Variants in ADD3 observed in about 807,000 individuals in gnomAD.
ADD3 encodes the protein adducin 3, also known as gamma-adducin.
A neutral mutation model predicts 80.2 loss-of-function variants in ADD3; 25 were observed. The ratio of observed to expected loss-of-function variants is 0.31; its 90% CI spans 0.23 to 0.44. The LOEUF is 0.44. ADD3 is among the 20% of genes least tolerant of loss of function. The pLI is 1.00. For missense variants in ADD3, 829 were observed against 847.5 expected, an observed-to-expected ratio of 0.98 and a Z score of 0.27; for synonymous variants, 284 against 289.6, an observed-to-expected ratio of 0.98 and a Z score of 0.20.
At chr10:110,083,861 T>C (rs548893961) in intron 1 of ADD3, among the ~76,000 whole-genome samples, 1 of 152,208 alleles carries the variant, frequency 6.6e-6, no homozygotes, top group Non-Finnish European at 1.5e-5. Flanking sequence ...AATAACACTT[T>C]CTAGCACTTT....
chr10:110,010,968 A>G (rs1852265777), intron 1 of ADD3, among the ~76,000 whole-genome samples: 1 of 152,252 alleles, frequency 6.6e-6, no homozygotes, highest in African/African-American at 2.4e-5. Flanking sequence ...TCCGCATTAA[A>G]TACAGTCACC....
chr10:110,035,501 G>T (rs1003879852), intron 1 of ADD3, among the ~76,000 whole-genome samples: 1 of 152,184 alleles, frequency 6.6e-6, no homozygotes, highest in Non-Finnish European at 1.5e-5. Context: ...GCCATTAAAA[G>T]CTCTAAATCC....
chr10:110,111,651 C>T (rs376610047), intron 2 of ADD3, among the ~76,000 whole-genome samples: 2 of 152,320 alleles, frequency 1.3e-5, no homozygotes, highest in Admixed American at 6.5e-5. Flanking sequence ...CGCGGTGGCT[C>T]ACGCCTGTAA....
intron 1 of ADD3, among the ~76,000 whole-genome samples, chr10:110,022,768 C>T (rs1853829972): frequency 6.6e-6 from 1 of 152,180 alleles, no homozygotes; most frequent in Non-Finnish European, 1.5e-5. Flanking sequence ...GGAAATATCT[C>T]ATTGGGGAGA....
chr10:110,024,873 C>T lies in ADD3; in HGVS notation c.-30+16574C>T, dbSNP rs79959459. On this transcript the variant is annotated intron_variant, in intron 1 of 14. Coordinates refer to ENST00000356080, the MANE Select transcript of ADD3 (RefSeq NM_016824.5). ...CATGGAACAAAATAAGGCACAAAAG[C>T]GTATACAGTGAAAAGTAAGTTGTCA... Among the ~76,000 whole-genome samples, 996 of 151,162 alleles carry T rather than the reference C, an allele frequency of 6.6e-3. 4 individuals carry two copies. Among genetic ancestry groups the T allele is most frequent in the Admixed American group, 0.01 (159 of 15,194 alleles).
upstream of ADD3, among the ~76,000 whole-genome samples, chr10:110,001,507 T>C (rs1851484485): frequency 6.6e-6 from 1 of 152,140 alleles, no homozygotes; most frequent in African/African-American, 2.4e-5. Flanking sequence ...GTTTTGTGCT[T>C]ATCTGAATCT....
At chr10:110,018,526 CAAAA>C (rs59949041) in intron 1 of ADD3, among the ~76,000 whole-genome samples, 10 of 49,540 alleles carry the variant, frequency 2.0e-4, no homozygotes, top group South Asian at 1.3e-3. Flanking sequence ...GACTTTGTCT[CAAAA>C]AAAAAAAAAA....
At chr10:110,018,920 A>G (rs970290743) in intron 1 of ADD3, among the ~76,000 whole-genome samples, 3 of 152,216 alleles carry the variant, frequency 2.0e-5, no homozygotes, top group Admixed American at 6.5e-5. Context: ...TCCTGCTTTT[A>G]TAGGAATATC....
intron 1 of ADD3, among the ~76,000 whole-genome samples, chr10:110,048,163 A>G (rs1857106201): frequency 6.6e-6 from 1 of 152,050 alleles, no homozygotes. Flanking sequence ...TCGCTTGATC[A>G]TTCTCTCTTG....
chr10:110,001,521 T>C (rs1454641146), upstream of ADD3, among the ~76,000 whole-genome samples: 1 of 152,164 alleles, frequency 6.6e-6, no homozygotes, highest in African/African-American at 2.4e-5. Flanking sequence ...TGAATCTCTT[T>C]CACATAATGA....
rs13306104 is a variant in ADD3, at chr10:110,126,748, T to C, written c.1608+245T>C. ...TTAGTTGAGATGAGGTCTCACTCTG[T>C]TGCCCAGGATAGTCGTGAACACCTG... On this transcript the variant is annotated intron_variant, in intron 12 of 14. Coordinates refer to ENST00000356080, the MANE Select transcript of ADD3 (RefSeq NM_016824.5). Among the ~76,000 whole-genome samples the C allele has an allele frequency of 1.8e-4, 27 of 152,320 alleles. No individual in the cohort carries two copies. In the East Asian group the frequency reaches 5.2e-3, roughly 29 times the overall value.
chr10:110,070,654 G>A (rs1411228509), intron 1 of ADD3, among the ~76,000 whole-genome samples: 1 of 152,070 alleles, frequency 6.6e-6, no homozygotes, highest in Non-Finnish European at 1.5e-5. Flanking sequence ...ATGCCACTGA[G>A]TATATAGCAA....
At chr10:110,019,178 G>A (rs1853356537) in intron 1 of ADD3, among the ~76,000 whole-genome samples, 2 of 151,842 alleles carry the variant, frequency 1.3e-5, no homozygotes, top group African/African-American at 2.4e-5. Flanking sequence ...GAGTTGATAC[G>A]AGATATGACC....
chr10:110,101,750 A>G (rs978461773), intron 2 of ADD3, among the ~76,000 whole-genome samples: 1 of 152,214 alleles, frequency 6.6e-6, no homozygotes, highest in Non-Finnish European at 1.5e-5. Flanking sequence ...CTTAGTGGAA[A>G]TGTATTAATA....
intron 1 of ADD3, among the ~76,000 whole-genome samples, chr10:110,042,297 C>A (rs1404602401): frequency 1.3e-5 from 2 of 152,110 alleles, no homozygotes; most frequent in East Asian, 3.9e-4. Context: ...ATATTCTGTT[C>A]TATACTACTT....
chr10:110,014,407 A>C (rs545918081), intron 1 of ADD3, among the ~76,000 whole-genome samples: 40 of 152,338 alleles, frequency 2.6e-4, no homozygotes, highest in African/African-American at 9.1e-4. Context: ...CACAAATGGG[A>C]GGTAGAAAGG....
intron 1 of ADD3, among the ~76,000 whole-genome samples, chr10:110,021,734 G>A (rs1853703401): frequency 6.6e-6 from 1 of 152,100 alleles, no homozygotes; most frequent in African/African-American, 2.4e-5. Flanking sequence ...GCAGCTTAAT[G>A]GGTACTGGGT....
chr10:110,126,020 G>A, intron 11 of ADD3, 75 bp downstream of exon 11: 4 of 1,433,158 alleles, frequency 2.8e-6, no homozygotes, highest in Non-Finnish European at 3.8e-6. Context: ...GTTGAATCTG[G>A]TTAATGCCAA....
At chr10:110,105,762 G>A (rs937604678) in intron 2 of ADD3, among the ~76,000 whole-genome samples, 1 of 152,170 alleles carries the variant, frequency 6.6e-6, no homozygotes, top group Admixed American at 6.6e-5. Flanking sequence ...GGATATCACT[G>A]GAAGTAAGGC....
Sources: gnomAD v4.1 joint callset for allele counts (sites outside exome capture counted in the v4.1 genomes callset) on GRCh38, gnomAD v4.1.1 for gene constraint, MANE v1.5 for transcripts, NCBI Gene and HGNC (gene_info 2026-07-23, HGNC 2026-07-21) for gene names.